The following KIF14 variants were observed in gnomAD, a reference collection of about 807,000 sequenced individuals.
KIF14 encodes kinesin family member 14, also known as kinesin-like protein KIF14.
Under a neutral mutation model 176.2 loss-of-function variants are expected in KIF14, and 98 were observed. The ratio of observed to expected loss-of-function variants is 0.56; its 90% CI spans 0.47 to 0.66. The LOEUF (loss-of-function observed/expected upper bound fraction) is 0.66, where lower values mean the gene tolerates loss of function less well. Among genes scored for constraint, KIF14 ranks in the 30% least tolerant of loss-of-function variants. The pLI is 0.00. For synonymous variants in KIF14, 566 were observed against 632.2 expected (o/e 0.90, Z 1.57); for missense variants, 1,751 against 1,920.4 (o/e 0.91, Z 1.65).
chr1:200,583,022 C>A (rs1398455533), intron 19 of KIF14, among the ~76,000 whole-genome samples: 4 of 151,972 alleles, frequency 2.6e-5, no homozygotes, highest in Non-Finnish European at 5.9e-5. Flanking sequence ...AACAGAGGAG[C>A]CTGTTAAGTA....
intron 19 of KIF14, among the ~76,000 whole-genome samples, chr1:200,585,092 A>C (rs1658662795): frequency 6.6e-6 from 1 of 152,180 alleles, no homozygotes; most frequent in Non-Finnish European, 1.5e-5. Flanking sequence ...GGATAGGGGA[A>C]TGGGAAGATG....
rs773202207 is a variant in KIF14 at position 200,605,267 on chromosome 1, C to T, written c.1746+16G>A. The T allele has an allele frequency of 1.3e-6, 2 of 1,596,888 alleles. No homozygotes were observed. The highest frequency in any genetic ancestry group is 1.4e-5 in the African/African-American group (1 of 74,022). On this transcript the variant is annotated intron_variant, in intron 8 of 29. Coordinates refer to ENST00000367350, the MANE Select transcript of KIF14 (RefSeq NM_014875.3). ...GGTGAAAACTGAAAGAGATCGGGAA[C>T]TTTTAAAAAAAATACCTTGGTCTGG... is the stretch of plus-strand genomic sequence containing the variant.
rs201068158 is a variant in KIF14, at chr1:200,554,654, T to C, written c.4429-48A>G. 2.2e-4 allele frequency: 208 copies of C among 960,206 alleles called. No individual in the cohort carries two copies. In the African/African-American group the frequency reaches 3.3e-3, roughly 15 times the overall value. The allele number at this position is 960,206 out of a possible 1,614,324, so 59.5% of individuals were successfully genotyped here. ...TAAAATAATACATTAACAGGCTCAATGGCAGTAAGGCTCAGTCAATATGAT... is the reference window on the plus strand; with the variant it reads ...TAAAATAATACATTAACAGGCTCAACGGCAGTAAGGCTCAGTCAATATGAT... On this transcript the variant is annotated intron_variant, in intron 28 of 29. Transcript: ENST00000367350.
intron 22 of KIF14, among the ~76,000 whole-genome samples, chr1:200,574,937 ATTTTTTTT>A (rs35584654): frequency 2.7e-5 from 3 of 110,682 alleles, no homozygotes; most frequent in Admixed American, 1.1e-4. Flanking sequence ...AGAAAGGGTA[ATTTTTTTT>A]TTTTTTTTTT....
At chr1:200,559,812 T>C (rs901754637) in intron 26 of KIF14, among the ~76,000 whole-genome samples, 4 of 151,114 alleles carry the variant, frequency 2.6e-5, no homozygotes, top group Non-Finnish European at 5.9e-5. Context: ...TGGAGTGAAA[T>C]AGCACGATCT....
At position 200,598,172 on chromosome 1, in the gene KIF14, G is replaced by A. The variant is rs1659454268; in HGVS notation, c.2549+65C>T. On this transcript the variant is annotated intron_variant, in intron 14 of 29. Coordinates refer to ENST00000367350, the MANE Select transcript of KIF14 (RefSeq NM_014875.3). Reference sequence around the variant, plus strand: ...AGTATCAACGAATATGCCATATGAAGGAAACCACATGTTATCAAGATATAG... The same window carrying A: ...AGTATCAACGAATATGCCATATGAAAGAAACCACATGTTATCAAGATATAG... 21 of 1,416,922 alleles carry A rather than the reference G, an allele frequency of 1.5e-5. No homozygotes were observed. The South Asian group carries it at 2.6e-4, about 18-fold the overall frequency. 87.8% of individuals were successfully genotyped at this position (1,416,922 alleles called of 1,614,324 possible).
intron 19 of KIF14, among the ~76,000 whole-genome samples, chr1:200,583,091 C>G (rs1000109036): frequency 1.3e-5 from 2 of 151,938 alleles, no homozygotes; most frequent in African/African-American, 4.8e-5. Flanking sequence ...CAGGACAAAT[C>G]ATCTGATTTC....
intron 14 of KIF14, 92 bp downstream of exon 14, chr1:200,598,145 T>A: frequency 9.4e-7 from 1 of 1,069,118 alleles, no homozygotes; most frequent in Non-Finnish European, 1.4e-6. Flanking sequence ...TACCAAACGA[T>A]CAGTATCAAC....
chr1:200,610,122 A>G (rs956510959), intron 4 of KIF14, among the ~76,000 whole-genome samples: 3 of 152,206 alleles, frequency 2.0e-5, no homozygotes, highest in African/African-American at 7.2e-5. Flanking sequence ...TAGAAGTAAC[A>G]GTTGTACATT....
chr1:200,593,503 T>G (rs1273751198), intron 15 of KIF14, among the ~76,000 whole-genome samples, 164 bp downstream of exon 15: 1 of 152,212 alleles, frequency 6.6e-6, no homozygotes, highest in African/African-American at 2.4e-5. Flanking sequence ...GTAACTTTTG[T>G]CTTTGCACAA....
intron 15 of KIF14, 103 bp from the exon 16 acceptor site, chr1:200,592,343 G>T: frequency 1.2e-6 from 1 of 863,498 alleles, no homozygotes; most frequent in Non-Finnish European, 1.8e-6. Flanking sequence ...TAGTATTAAT[G>T]ATAAACATAA....
chr1:200,576,227 C>T (rs1658095301), intron 21 of KIF14, among the ~76,000 whole-genome samples: 1 of 151,908 alleles, frequency 6.6e-6, no homozygotes, highest in South Asian at 2.1e-4. Flanking sequence ...GCCTGTAATC[C>T]CAGCACTTTG....
chr1:200,602,138 A>C, intron 10 of KIF14, 70 bp from the exon 11 acceptor site: 10 of 1,281,524 alleles, frequency 7.8e-6, no homozygotes, highest in Non-Finnish European at 6.6e-6. Flanking sequence ...TAGAAAGCAC[A>C]AAACAAACTA....
Position 200,581,246 on chromosome 1 carries a change from G to T in KIF14, c.3290C>A (p.Ala1097Asp), listed in dbSNP as rs1312433347. The T allele has an allele frequency of 6.2e-7, 1 of 1,604,670 alleles. No homozygotes were observed. The highest frequency in any genetic ancestry group is 8.5e-7 in the Non-Finnish European group (1 of 1,176,248). The change falls in exon 20 of 30, where the codon GCC becomes GAC. Residue 1097 changes from alanine (A) to aspartate (D), a missense_variant. Ala to Asp is a moderately radical substitution (Grantham distance 126). Coordinates refer to ENST00000367350, the MANE Select transcript of KIF14 (RefSeq NM_014875.3). The part of the protein sequence containing the change: ...SMKLSMMIQE[A>D]NAISSKLKTY... ...TTTCAATTTGCTGCTGATAGCATTG[G>T]CTTCCTGAATCATCATTGAGAGTTT...
In KIF14 at chr1:200,553,711, C is replaced by T; in HGVS notation, c.4624G>A (p.Ala1542Thr). 6.2e-7 allele frequency: 1 copy of T among 1,611,920 alleles called. No individual in the cohort carries two copies. Among genetic ancestry groups the T allele is most frequent in the Non-Finnish European group, 8.5e-7 (1 of 1,178,414 alleles). Residue 1542 changes from alanine to threonine, a missense_variant, in exon 30 of 30, where the codon GCC (alanine) becomes ACC (threonine). Physicochemically the swap from Ala to Thr is moderately conservative, Grantham distance 58. Coordinates refer to ENST00000367350, the MANE Select transcript of KIF14 (RefSeq NM_014875.3). ...CTGAAGTCACTGTAAAAATCACTGG[C>T]CAAGTTGCGAATACTTTCAACACAA... Reference protein sequence around the residue: ...QTCVESIRNLASDFYSDFSVP... With the variant: ...QTCVESIRNLTSDFYSDFSVP...
At position 200,603,350 on chromosome 1, in the gene KIF14, A is replaced by C. The variant is rs1391640014; in HGVS notation, c.1864-9T>G. 1.4e-6 allele frequency: 2 copies of C among 1,426,108 alleles called. No homozygotes were observed. The highest frequency in any genetic ancestry group is 1.9e-6 in the Non-Finnish European group (2 of 1,032,006). 88.3% of individuals were successfully genotyped at this position (1,426,108 alleles called of 1,614,324 possible). ...TTAATACTCACACCTTCCTGCATGC[A>C]AGAAAAAAAAAATTTTTAACTTAAA... On this transcript the variant is annotated splice_polypyrimidine_tract_variant and intron_variant, in intron 9 of 29. Coordinates refer to ENST00000367350, the MANE Select transcript of KIF14 (RefSeq NM_014875.3).
intron 18 of KIF14, among the ~76,000 whole-genome samples, chr1:200,587,913 C>T (rs114836862): frequency 0.023 from 3,559 of 152,212 alleles, 51 homozygotes; most frequent in Non-Finnish European, 0.035. Flanking sequence ...TCACTAGCCA[C>T]TTTGTGTCCA....
intron 23 of KIF14, among the ~76,000 whole-genome samples, chr1:200,569,274 T>C (rs989519062): frequency 2.0e-4 from 31 of 152,180 alleles, no homozygotes; most frequent in African/African-American, 6.8e-4. Flanking sequence ...GTTACACATA[T>C]AAAATTTACA....
At position 200,559,275 on chromosome 1, in the gene KIF14, A is replaced by T. The variant is rs112549311; in HGVS notation, c.4353+55T>A. ...AGAAATCTAATTTGTTGACTGAAAA[A>T]ATCAACTTTATATATTATTTAGTAC... On this transcript the variant is annotated intron_variant, in intron 27 of 29. Transcript: ENST00000367350. 1.8e-5 allele frequency: 21 copies of T among 1,164,876 alleles called. 1 individual carries two copies. In the African/African-American group the frequency reaches 2.1e-4, roughly 12 times the overall value. 72.2% of individuals were successfully genotyped at this position (1,164,876 alleles called of 1,614,324 possible).
Sources: allele counts gnomAD v4.1 joint callset (sites outside exome capture counted in the v4.1 genomes callset), GRCh38; gene constraint gnomAD v4.1.1; transcripts MANE v1.5; gene names NCBI Gene and HGNC (gene_info 2026-07-23, HGNC 2026-07-21).